Variants in CPLANE1 observed in about 807,000 individuals in gnomAD.
CPLANE1 encodes ciliogenesis and planar polarity effector complex subunit 1.
In CPLANE1, 263 loss-of-function variants were observed where a neutral mutation model predicts 362.5. The observed-to-expected ratio is 0.73, with a 90% CI of 0.66 to 0.80. The LOEUF is 0.80. Ranked by LOEUF, CPLANE1 falls within the 30% of genes least tolerant of loss-of-function variation. CPLANE1 has a pLI of 0.00. For synonymous variants in CPLANE1, 1,212 were observed against 1,302.6 expected (o/e 0.93, Z 1.50); for missense variants, 3,461 against 3,793.4 (o/e 0.91, Z 2.30).
chr5:37,118,278 C>A (rs764951290), intron 50 of CPLANE1, among the ~76,000 whole-genome samples: 10 of 151,710 alleles, frequency 6.6e-5, no homozygotes, highest in African/African-American at 2.2e-4. Context: ...TGGTGGCACA[C>A]GCCTATAATC....
chr5:37,186,541 C>T (rs1784046107), intron 23 of CPLANE1, 147 bp from the exon 24 acceptor site: 1 of 576,972 alleles, frequency 1.7e-6, no homozygotes, highest in Admixed American at 3.0e-5. Context: ...CTCTGAGCAT[C>T]TGTCTGCTAA....
intron 12 of CPLANE1, among the ~76,000 whole-genome samples, chr5:37,225,852 CAAAA>C (rs70976285): frequency 3.5e-5 from 2 of 57,776 alleles, no homozygotes; most frequent in Middle Eastern, 0.011. Context: ...TACTCCATCT[CAAAA>C]AAAAAAAAAA....
the CPLANE1 span, among the ~76,000 whole-genome samples, chr5:37,098,380 A>T: frequency 7.8e-6 from 1 of 128,600 alleles, no homozygotes; most frequent in Non-Finnish European, 1.6e-5. Flanking sequence ...GACAGAGCAA[A>T]ACTCCGTCTC....
chr5:37,079,516 C>T, the CPLANE1 span, among the ~76,000 whole-genome samples: 1 of 152,322 alleles, frequency 6.6e-6, no homozygotes, highest in South Asian at 2.1e-4. Flanking sequence ...GCAACTCACT[C>T]CTACCACAGA....
intron 7 of CPLANE1, among the ~76,000 whole-genome samples, chr5:37,239,236 G>T (rs1053464925): frequency 3.9e-5 from 6 of 151,946 alleles, no homozygotes; most frequent in African/African-American, 1.2e-4. Flanking sequence ...CTACTTTAAA[G>T]AACTTTACCA....
chr5:37,116,536 C>A (rs1351198759), intron 50 of CPLANE1, among the ~76,000 whole-genome samples: 3 of 129,488 alleles, frequency 2.3e-5, no homozygotes, highest in East Asian at 5.1e-4. Context: ...GGAAGATGAT[C>A]TGAGCCAGGG....
intron 23 of CPLANE1, among the ~76,000 whole-genome samples, chr5:37,187,192 CCT>C (rs1784326598): frequency 6.6e-6 from 1 of 152,032 alleles, no homozygotes; most frequent in Non-Finnish European, 1.5e-5. Flanking sequence ...ACATCCCCAG[CCT>C]CTGACAACCA....
chr5:37,135,075 G>A (rs571812616), intron 46 of CPLANE1, among the ~76,000 whole-genome samples: 5 of 152,172 alleles, frequency 3.3e-5, no homozygotes, highest in Admixed American at 6.5e-5. Flanking sequence ...TTACAGATGT[G>A]AGCCACCATG....
At chr5:37,123,930 T>TACACACAC (rs56833956) in intron 47 of CPLANE1, among the ~76,000 whole-genome samples, 3,485 of 144,496 alleles carry the variant, frequency 0.024, 73 homozygotes, top group African/African-American at 0.048. Context: ...TAGGGGAACA[T>TACACACAC]ACACACACAC....
chr5:37,230,858 A>T lies in CPLANE1; in HGVS notation c.1121+9T>A. The stretch of plus-strand genomic sequence containing the variant: ...CTATAAACAAATTAACACAATTCAA[A>T]TGTCTCACCTATACGTTATTAGTGG... On this transcript the variant is annotated intron_variant, in intron 9 of 52. Transcript: ENST00000651892. 7.0e-7 allele frequency: 1 copy of T among 1,420,356 alleles called. No individual in the cohort carries two copies. Among genetic ancestry groups the T allele is most frequent in the Non-Finnish European group, 9.3e-7 (1 of 1,079,894 alleles). The allele number at this position is 1,420,356 out of a possible 1,614,324, so 88.0% of individuals were successfully genotyped here. A position where few individuals can be genotyped will look rare whatever the true frequency, so the allele number is the denominator to read the frequency against.
At chr5:37,117,232 G>A (rs939379909) in intron 50 of CPLANE1, among the ~76,000 whole-genome samples, 16 of 151,430 alleles carry the variant, frequency 1.1e-4, no homozygotes, top group Non-Finnish European at 8.8e-5. Flanking sequence ...TTCAATGTTC[G>A]AGTATTTCAT....
chr5:37,243,142 T>A, intron 5 of CPLANE1, 23 bp from the exon 6 acceptor site: 1 of 1,315,512 alleles, frequency 7.6e-7, no homozygotes, highest in Non-Finnish European at 1.0e-6. Flanking sequence ...TTAATATACT[T>A]TAGTATAAAA....
At chr5:37,079,267 A>T in the CPLANE1 span, among the ~76,000 whole-genome samples, 2 of 152,178 alleles carry the variant, frequency 1.3e-5, no homozygotes, top group African/African-American at 4.8e-5. Flanking sequence ...AATTTTCTGC[A>T]TACGGCTAGC....
chr5:37,215,739 CTTTTTTTTTTTTTTT>C (rs567527656), intron 15 of CPLANE1, among the ~76,000 whole-genome samples: 3 of 95,224 alleles, frequency 3.2e-5, no homozygotes, highest in Admixed American at 2.3e-4. Context: ...CTTCTCTTTC[CTTTTTTTTTTTTTTT>C]TTTTTTTTTG....
chr5:37,244,517 T>C lies in CPLANE1; in HGVS notation c.428A>G (p.Tyr143Cys), dbSNP rs1410543833. The C allele has an allele frequency of 2.6e-6, 4 of 1,551,728 alleles. No homozygotes were observed. Among genetic ancestry groups the C allele is most frequent in the Non-Finnish European group, 2.6e-6 (3 of 1,147,010 alleles). The part of the protein sequence containing the change: ...TPSGCIFLWE[Y>C]LELKNILSSK... ...AGATAAGATATTCTTTAATTCCAAA[T>C]ATTCCCAAAGAAATATGCATCCAGA... The change falls in exon 5 of 53, where the codon TAT (tyrosine) becomes TGT (cysteine). Residue 143 changes from tyrosine (Y) to cysteine (C), a missense_variant. By Grantham distance (194) the Tyr-to-Cys change is radical. This residue lies in a region of CPLANE1 where 3,380 missense variants were observed against 3,666.1 expected (regional missense o/e 0.92). Transcript: ENST00000651892.
intron 19 of CPLANE1, among the ~76,000 whole-genome samples, chr5:37,200,811 C>T (rs2150052206): frequency 6.6e-6 from 1 of 151,956 alleles, no homozygotes; most frequent in African/African-American, 2.4e-5. Flanking sequence ...AAAACAAAGT[C>T]AAATAAAAAT....
intron 15 of CPLANE1, among the ~76,000 whole-genome samples, chr5:37,219,092 C>T (rs1475838443): frequency 6.6e-6 from 1 of 152,028 alleles, no homozygotes; most frequent in Non-Finnish European, 1.5e-5. Context: ...AGAAGTCTTT[C>T]ACCCTGGGTA....
chr5:37,076,054 G>A, the CPLANE1 span, among the ~76,000 whole-genome samples: 3 of 151,908 alleles, frequency 2.0e-5, no homozygotes, highest in Non-Finnish European at 4.4e-5. Context: ...GACCAGCTGA[G>A]GCAACATAGT....
At chr5:37,187,307 G>A (rs901731921) in intron 23 of CPLANE1, 107 bp downstream of exon 23, 2 of 910,926 alleles carry the variant, frequency 2.2e-6, no homozygotes, top group Non-Finnish European at 3.3e-6. Flanking sequence ...ATTATGCTAA[G>A]TGAAATAATC....
Sources: gnomAD v4.1 joint callset for allele counts (sites outside exome capture counted in the v4.1 genomes callset) on GRCh38, gnomAD v4.1.1 for gene constraint, gnomAD v4.1.1 regional missense constraint, MANE v1.5 for transcripts, NCBI Gene and HGNC (gene_info 2026-07-23, HGNC 2026-07-21) for gene names.